The following SDK1 variants were observed in gnomAD, a reference collection of about 807,000 sequenced individuals.
SDK1 encodes protein sidekick-1.
SDK1 carries 157 observed loss-of-function variants against 245.5 expected under a neutral mutation model. The ratio of observed to expected loss-of-function variants is 0.64; its 90% CI spans 0.56 to 0.73. The LOEUF is 0.73. Among genes scored for constraint, SDK1 ranks in the 30% least tolerant of loss-of-function variants. The pLI, the probability that SDK1 is intolerant of heterozygous loss-of-function variation, is 0.00. For synonymous variants in SDK1, 1,647 were observed against 1,278.5 expected (o/e 1.29, Z -6.15); for missense variants, 3,583 against 3,002.3 (o/e 1.19, Z -4.52).
rs755640735 is a variant in SDK1 at position 4,000,941 on chromosome 7, G to A, written c.2132-10025G>A. ...AAGGGGGGACCATGGCTGTGTTGGG[G>A]GCCCAGAGGGGGCTGAGGTCTGCTT... On this transcript the variant is annotated intron_variant, in intron 14 of 44. Coordinates refer to ENST00000404826, the MANE Select transcript of SDK1 (RefSeq NM_152744.4). Among the ~76,000 whole-genome samples, 3 of 152,212 alleles carry A rather than the reference G, an allele frequency of 2.0e-5. No homozygotes were observed. The South Asian group carries it at 6.2e-4, about 32-fold the overall frequency.
At chr7:3,459,255 C>A (rs536780010) in intron 1 of SDK1, among the ~76,000 whole-genome samples, 4 of 152,148 alleles carry the variant, frequency 2.6e-5, no homozygotes, top group Non-Finnish European at 5.9e-5. Flanking sequence ...ATTTGTAGTA[C>A]CTTTTTATAC....
chr7:3,731,255 A>T (rs1779169507), intron 4 of SDK1, among the ~76,000 whole-genome samples: 1 of 152,130 alleles, frequency 6.6e-6, no homozygotes. Flanking sequence ...TCACATGGGC[A>T]TGTTTTCCTG....
At chr7:3,856,481 T>TAAAAAAAAAAA (rs34024559) in intron 5 of SDK1, among the ~76,000 whole-genome samples, 2 of 119,240 alleles carry the variant, frequency 1.7e-5, no homozygotes, top group Non-Finnish European at 1.7e-5. Flanking sequence ...CAGGTAATGT[T>TAAAAAAAAAAA]AAAAAAAAAA....
chr7:4,069,767 T>A (rs1780128792), intron 20 of SDK1, among the ~76,000 whole-genome samples: 1 of 152,186 alleles, frequency 6.6e-6, no homozygotes, highest in Non-Finnish European at 1.5e-5. Flanking sequence ...CCTGGCCACT[T>A]CCACTGTGTT....
intron 5 of SDK1, among the ~76,000 whole-genome samples, chr7:3,908,766 G>C (rs184924996): frequency 3.9e-5 from 6 of 152,142 alleles, no homozygotes; most frequent in South Asian, 4.2e-4. Context: ...GTGTCTCCCG[G>C]ATGTCTAGAG....
At chr7:3,856,365 G>C (rs78170412) in intron 5 of SDK1, among the ~76,000 whole-genome samples, 10 of 151,138 alleles carry the variant, frequency 6.6e-5, no homozygotes, top group Non-Finnish European at 1.3e-4. Context: ...GGCAAAATAA[G>C]TGCATAAAAT....
intron 28 of SDK1, among the ~76,000 whole-genome samples, chr7:4,133,023 G>T (rs541662038): frequency 6.6e-6 from 1 of 152,158 alleles, no homozygotes. Flanking sequence ...TGAAATATCA[G>T]GCTATGTTGA....
chr7:3,493,951 G>T (rs1294517261), intron 1 of SDK1, among the ~76,000 whole-genome samples: 2 of 152,176 alleles, frequency 1.3e-5, no homozygotes, highest in Admixed American at 1.3e-4. Flanking sequence ...CAGTGGTTTT[G>T]TATAGCCAGA....
At chr7:4,065,393 T>C (rs145864073) in intron 19 of SDK1, among the ~76,000 whole-genome samples, 73 of 152,228 alleles carry the variant, frequency 4.8e-4, no homozygotes, top group African/African-American at 1.7e-3. Context: ...AGCTGAGACA[T>C]CGCCAGCTGA....
At chr7:3,792,252 C>T (rs1452741362) in intron 4 of SDK1, among the ~76,000 whole-genome samples, 1 of 152,176 alleles carries the variant, frequency 6.6e-6, no homozygotes, top group African/African-American at 2.4e-5. Context: ...CAGATCCTGA[C>T]CTGCAATTGC....
At chr7:3,336,562 C>G (rs1329748670) in intron 1 of SDK1, among the ~76,000 whole-genome samples, 4 of 152,148 alleles carry the variant, frequency 2.6e-5, no homozygotes, top group Non-Finnish European at 4.4e-5. Context: ...CCACTGGTGG[C>G]AAATGAGGTA....
At chr7:4,073,829 A>C (rs1362887590) in intron 20 of SDK1, among the ~76,000 whole-genome samples, 1 of 152,180 alleles carries the variant, frequency 6.6e-6, no homozygotes, top group East Asian at 1.9e-4. Flanking sequence ...GAGAACAGCG[A>C]AAGTGAGACT....
Position 4,145,727 on chromosome 7 carries a change from C to T in SDK1, c.4234C>T (p.Gln1412Ter). The change falls in exon 29 of 45, where the codon CAG becomes TAG. Residue 1412 changes from glutamine to a stop codon, truncating the protein, a stop_gained. Transcript: ENST00000404826. LOFTEE classifies it high-confidence loss of function. ...EEPNGIILGY[Q>*]IAYRLASSSP... ...CCCATGTCACCTGCCTGCAGGGTAC[C>T]AGATTGCCTACCGCCTGGCCAGCAG... 1.2e-6 allele frequency: 2 copies of T among 1,604,540 alleles called. No homozygotes were observed. The highest frequency in any genetic ancestry group is 1.7e-6 in the Non-Finnish European group (2 of 1,175,438).
rs1011377775 is a variant in SDK1, at chr7:3,915,182, G to C, written c.848-35741G>C. Among the ~76,000 whole-genome samples the C allele has an allele frequency of 3.9e-5, 6 of 152,224 alleles. No homozygotes were observed. The East Asian group carries it at 1.2e-3, about 29-fold the overall frequency. On this transcript the variant is annotated intron_variant, in intron 5 of 44. Transcript: ENST00000404826. ...GACGTGGTAGGAGCAGGGGTAGGAT[G>C]AGCCAGAGAAAGCTGGAGCCTGGCT...
At chr7:3,953,106 T>G (rs998868601) in intron 7 of SDK1, among the ~76,000 whole-genome samples, 3 of 138,566 alleles carry the variant, frequency 2.2e-5, no homozygotes, top group South Asian at 2.3e-4. Context: ...AAAATTCAAA[T>G]AAGAAAACCC....
intron 30 of SDK1, among the ~76,000 whole-genome samples, chr7:4,157,958 C>T (rs1436493231): frequency 6.6e-6 from 1 of 152,170 alleles, no homozygotes; most frequent in Non-Finnish European, 1.5e-5. Context: ...GCGTGAGAAT[C>T]AGGCAGGAAC....
At chr7:4,180,324 T>TGCCCGGCTCCAGCTCTATGCCCAGC (rs1782523824) in intron 35 of SDK1, among the ~76,000 whole-genome samples, 6 of 121,920 alleles carry the variant, frequency 4.9e-5, no homozygotes, top group Admixed American at 4.2e-4. Context: ...CTATGCCCAG[T>TGCCCGGCTCCAGCTCTATGCCCAGC]GCCCGGCTCC....
chr7:3,528,128 C>T (rs112616734), intron 1 of SDK1, among the ~76,000 whole-genome samples: 20,974 of 74,646 alleles, frequency 0.28, 1,854 homozygotes, highest in Middle Eastern at 0.41. Context: ...TAGCCAGCTA[C>T]GGGGTGAATG....
At position 3,403,847 on chromosome 7, in the gene SDK1, AT is replaced by A. The variant is rs1395686280; in HGVS notation, c.298+101964del. On this transcript the variant is annotated intron_variant, in intron 1 of 44. Transcript: ENST00000404826. ...TACATATATATATATATATATATAT[AT>A]ATATATATATATATATATATAATAT... Among the ~76,000 whole-genome samples, 4 of 99,886 alleles carry A rather than the reference AT, an allele frequency of 4.0e-5. 1 individual carries two copies. The highest frequency in any genetic ancestry group is 2.1e-4 in the African/African-American group (4 of 19,380). 65.5% of individuals were successfully genotyped at this position (99,886 alleles called of 152,430 possible).
Sources: allele counts gnomAD v4.1 joint callset (sites outside exome capture counted in the v4.1 genomes callset), GRCh38; gene constraint gnomAD v4.1.1; transcripts MANE v1.5; gene names NCBI Gene and HGNC (gene_info 2026-07-23, HGNC 2026-07-21).